ADCY3: variants seen among roughly 807,000 people sequenced by gnomAD.
ADCY3 encodes the protein adenylate cyclase 3.
ADCY3 carries 70 observed loss-of-function variants against 119.4 expected under a neutral mutation model. The observed-to-expected ratio is 0.59, with a 90% CI of 0.48 to 0.72. The LOEUF (loss-of-function observed/expected upper bound fraction) is 0.72. Ranked by LOEUF, ADCY3 falls within the 30% of genes least tolerant of loss-of-function variation. The pLI, the probability that ADCY3 is intolerant of heterozygous loss-of-function variation, is 0.00. For synonymous variants in ADCY3, 672 were observed against 621.4 expected, an observed-to-expected ratio of 1.08 and a Z score of -1.21; for missense variants, 1,238 against 1,541.6, an observed-to-expected ratio of 0.80 and a Z score of 3.30.
intron 3 of ADCY3, among the ~76,000 whole-genome samples, chr2:24,866,376 C>T (rs771867764): frequency 2.6e-5 from 4 of 151,680 alleles, no homozygotes; most frequent in African/African-American, 4.8e-5. Flanking sequence ...AGTTTGAGAC[C>T]AGTTTGGGCA....
chr2:24,842,825 G>T lies in ADCY3; in HGVS notation c.826-441C>A, dbSNP rs1481375627. Among the ~76,000 whole-genome samples, 1 of 152,198 alleles carries T rather than the reference G, an allele frequency of 6.6e-6. No individual in the cohort carries two copies. The highest frequency in any genetic ancestry group is 2.4e-5 in the African/African-American group (1 of 41,442). On this transcript the variant is annotated intron_variant, in intron 3 of 21. Transcript: ENST00000679454. This position sits in a 1 kb window ranked among gnomAD's most constrained non-coding sequence, Gnocchi z 4.9. ...TGATCAAAGACTGACAGCAGACCAGGCACTACACGAGGCGCCAGCGACACA... is the reference window on the plus strand; with the variant it reads ...TGATCAAAGACTGACAGCAGACCAGTCACTACACGAGGCGCCAGCGACACA...
chr2:24,909,197 C>A (rs1322157782), intron 2 of ADCY3, among the ~76,000 whole-genome samples: 1 of 152,058 alleles, frequency 6.6e-6, no homozygotes, highest in Non-Finnish European at 1.5e-5. Context: ...GGTGGGTGGC[C>A]CTCATGGTGC....
chr2:24,906,868 C>T (rs528706451), intron 2 of ADCY3, among the ~76,000 whole-genome samples: 94 of 152,270 alleles, frequency 6.2e-4, no homozygotes, highest in African/African-American at 2.0e-3. Flanking sequence ...TGGTGGCTCA[C>T]GCCTATAATC....
At chr2:24,884,724 G>T (rs918906443) in intron 2 of ADCY3, among the ~76,000 whole-genome samples, 1 of 151,880 alleles carries the variant, frequency 6.6e-6, no homozygotes. Flanking sequence ...TGATCTGCCC[G>T]CCTTGGCCTC....
At chr2:24,881,256 C>A (rs368842473) in intron 2 of ADCY3, among the ~76,000 whole-genome samples, 1 of 117,788 alleles carries the variant, frequency 8.5e-6, no homozygotes, top group South Asian at 2.7e-4. Flanking sequence ...AAAGCCATCC[C>A]AGCCCAGATC....
chr2:24,850,115 C>T (rs111432050), intron 3 of ADCY3, among the ~76,000 whole-genome samples: 2,786 of 152,062 alleles, frequency 0.018, 79 homozygotes, highest in African/African-American at 0.064. Flanking sequence ...TCGACACCCA[C>T]CTCACATGTC....
chr2:24,911,484 T>TA (rs1364428369), intron 2 of ADCY3, among the ~76,000 whole-genome samples: 5 of 151,436 alleles, frequency 3.3e-5, no homozygotes, highest in Admixed American at 3.3e-4. Flanking sequence ...CTGTCTCTAC[T>TA]AAAAATACAA....
intron 7 of ADCY3, 61 bp from the exon 8 acceptor site, chr2:24,838,683 G>T (rs985488158): frequency 1.7e-5 from 27 of 1,605,104 alleles, no homozygotes; most frequent in Non-Finnish European, 2.2e-5. Flanking sequence ...ACCCCCAGGG[G>T]ACAGTCCACG....
At chr2:24,826,682 C>T (rs1252504474) in intron 15 of ADCY3, 2 of 153,748 alleles carry the variant, frequency 1.3e-5, no homozygotes, top group African/African-American at 4.8e-5. Context: ...AACAGTGCCA[C>T]TTTGGACATT....
chr2:24,827,735 C>A, intron 14 of ADCY3, 127 bp from the exon 15 acceptor site: 2 of 1,415,946 alleles, frequency 1.4e-6, no homozygotes, highest in Non-Finnish European at 9.7e-7. Context: ...CAGGTCCTAG[C>A]CAAACAGTGA....
At chr2:24,900,632 C>T (rs1200962539) in intron 2 of ADCY3, among the ~76,000 whole-genome samples, 1 of 152,152 alleles carries the variant, frequency 6.6e-6, no homozygotes, top group African/African-American at 2.4e-5. Context: ...GGTCTGGAAA[C>T]CATGTCGCCT....
intron 7 of ADCY3, among the ~76,000 whole-genome samples, chr2:24,839,184 T>C (rs6738493): frequency 0.63 from 96,299 of 152,054 alleles, 30,789 homozygotes; most frequent in East Asian, 0.87. Context: ...TCAGGTGATC[T>C]ACCCACCTCG....
At position 24,919,348 on chromosome 2, in the gene ADCY3, T is replaced by G; in HGVS notation, c.-197-164A>C. ...CACCACCGCCCACCGCAGGCACACT[T>G]AGTCCTGTCCACGCCAGACACTCAA... On this transcript the variant is annotated intron_variant, in intron 1 of 21. Coordinates refer to ENST00000679454, the MANE Select transcript of ADCY3 (RefSeq NM_004036.5). The surrounding 1 kb of genome is among the most constrained non-coding windows in gnomAD (Gnocchi z 5.5). The G allele has an allele frequency of 4.0e-6, 1 of 249,536 alleles. No homozygotes were observed. The highest frequency in any genetic ancestry group is 5.8e-5 in the South Asian group (1 of 17,348). 15.5% of individuals were successfully genotyped at this position (249,536 alleles called of 1,614,324 possible).
Position 24,918,002 on chromosome 2 carries a change from GGC to G in ADCY3, c.675+309_675+310del, listed in dbSNP as rs1285230011. Among the ~76,000 whole-genome samples the G allele has an allele frequency of 1.3e-5, 2 of 152,290 alleles. No homozygotes were observed. Among genetic ancestry groups the G allele is most frequent in the Non-Finnish European group, 2.9e-5 (2 of 68,026 alleles). On this transcript the variant is annotated intron_variant, in intron 2 of 21. Transcript: ENST00000679454. The surrounding 1 kb of genome is among the most constrained non-coding windows in gnomAD (Gnocchi z 5.4). ...CTTGCCAGGGTCACTGACAGGGAAT[GGC>G]CAGGACAATGCTGCCTCAAGACCAG... is the stretch of plus-strand genomic sequence containing the variant.
rs138203123 is a variant in ADCY3, at chr2:24,824,498, A to C, written c.2616T>G (p.Ile872Met). ...CACGTTCCTTCTGGTCGTGGACCTCAATCTTCCACAAGAAAAGTGTCCGTG... is the reference window on the plus strand; with the variant it reads ...CACGTTCCTTCTGGTCGTGGACCTCCATCTTCCACAAGAAAAGTGTCCGTG... ...KLARTLFLWK[I>M]EVHDQKERVY... The change falls in exon 17 of 22, where the codon ATT becomes ATG. Residue 872 changes from isoleucine to methionine, a missense_variant. Physicochemically the swap from Ile to Met is conservative, Grantham distance 10. Coordinates refer to ENST00000679454, the MANE Select transcript of ADCY3 (RefSeq NM_004036.5). 1 of 1,614,192 alleles carries C rather than the reference A, an allele frequency of 6.2e-7. No individual in the cohort carries two copies. Among genetic ancestry groups the C allele is most frequent in the Admixed American group, 1.7e-5 (1 of 60,024 alleles).
In ADCY3 at chr2:24,842,489, G is replaced by A; in HGVS notation, c.826-105C>T. 7.0e-7 allele frequency: 1 copy of A among 1,438,752 alleles called. No homozygotes were observed. Among genetic ancestry groups the A allele is most frequent in the Non-Finnish European group, 9.5e-7 (1 of 1,054,554 alleles). The allele number at this position is 1,438,752 out of a possible 1,614,324, so 89.1% of individuals were successfully genotyped here. A position where few individuals can be genotyped will look rare whatever the true frequency, so the allele number is the denominator to read the frequency against. On this transcript the variant is annotated intron_variant, in intron 3 of 21. Transcript: ENST00000679454. This position sits in a 1 kb window ranked among gnomAD's most constrained non-coding sequence, Gnocchi z 4.9. ...CCGATCCTGGCAAGAAACGTGAGCA[G>A]GGAACCATGCTGCCCTCCAGAGAGA... is the stretch of plus-strand genomic sequence containing the variant.
Position 24,834,688 on chromosome 2 carries a change from T to C in ADCY3, c.1806-42A>G, listed in dbSNP as rs976696209. 1.2e-6 allele frequency: 2 copies of C among 1,606,626 alleles called. No individual in the cohort carries two copies. Among genetic ancestry groups the C allele is most frequent in the Non-Finnish European group, 1.7e-6 (2 of 1,173,934 alleles). ...CCCCATGAATCCCAAATGCCACATC[T>C]GCCTTGGCCTAGCAGGGGGGCCGTA... On this transcript the variant is annotated intron_variant, in intron 10 of 21. Transcript: ENST00000679454. This position sits in a 1 kb window ranked among gnomAD's most constrained non-coding sequence, Gnocchi z 4.2.
At chr2:24,821,832 T>C in intron 19 of ADCY3, 192 bp from the exon 20 acceptor site, 1 of 768,060 alleles carries the variant, frequency 1.3e-6, no homozygotes, top group African/African-American at 1.8e-5. Context: ...ACGTAGCAGG[T>C]CTAGGCAAAG....
rs975767145 is a variant in ADCY3 at position 24,827,545 on chromosome 2, C to T, written c.2495+1G>A. ...CCAGGAGGGGAAGCCGTGGCCCTTA[C>T]CTGTCAGTGCCATTGAGCCCAGGGT... On this transcript the variant is annotated splice_donor_variant, in intron 15 of 21. Coordinates refer to ENST00000679454, the MANE Select transcript of ADCY3 (RefSeq NM_004036.5). LOFTEE classifies it high-confidence loss of function. 1.3e-6 allele frequency: 2 copies of T among 1,583,714 alleles called. No individual in the cohort carries two copies. Among genetic ancestry groups the T allele is most frequent in the Admixed American group, 3.5e-5 (2 of 57,418 alleles).
Sources: allele counts gnomAD v4.1 joint callset (sites outside exome capture counted in the v4.1 genomes callset), GRCh38; gene constraint gnomAD v4.1.1; non-coding constraint Gnocchi (gnomAD v3.1); transcripts MANE v1.5; gene names NCBI Gene and HGNC (gene_info 2026-07-23, HGNC 2026-07-21).